ENPP6: variants seen among roughly 807,000 people sequenced by gnomAD.
The protein encoded by ENPP6 is ectonucleotide pyrophosphatase/phosphodiesterase 6.
ENPP6 carries 32 observed loss-of-function variants against 42.0 expected under a neutral mutation model. That is an observed-to-expected ratio of 0.76 (90% CI 0.58 to 1.02). The LOEUF (loss-of-function observed/expected upper bound fraction) is 1.02. Among genes scored for constraint, ENPP6 ranks in the 50% least tolerant of loss-of-function variants. ENPP6 has a pLI of 0.00. For synonymous variants in ENPP6, 213 were observed against 216.0 expected (o/e 0.99, Z 0.12); for missense variants, 552 against 566.8 (o/e 0.97, Z 0.27).
intron 1 of ENPP6, among the ~76,000 whole-genome samples, chr4:184,182,588 C>T (rs1020001437): frequency 1.3e-5 from 2 of 152,052 alleles, no homozygotes; most frequent in Admixed American, 6.5e-5. Context: ...TTCACAATAG[C>T]AAAGACAGAG....
intron 2 of ENPP6, among the ~76,000 whole-genome samples, chr4:184,141,129 C>T (rs113487786): frequency 0.01 from 1,551 of 152,284 alleles, 22 homozygotes; most frequent in South Asian, 0.04. Flanking sequence ...GGTGAATTTG[C>T]GTGGGAGCTT....
intron 5 of ENPP6, among the ~76,000 whole-genome samples, chr4:184,116,281 T>C (rs1006832862): frequency 6.6e-6 from 1 of 152,164 alleles, no homozygotes; most frequent in Non-Finnish European, 1.5e-5. Flanking sequence ...CTTGATCTCA[T>C]TTAATTCTCA....
At position 184,116,917 on chromosome 4, in the gene ENPP6, T is replaced by C; in HGVS notation, c.794A>G (p.Gln265Arg). The C allele has an allele frequency of 6.2e-7, 1 of 1,614,224 alleles. No homozygotes were observed. The highest frequency in any genetic ancestry group is 1.3e-5 in the African/African-American group (1 of 75,066). The stretch of plus-strand genomic sequence containing the variant: ...AACAGGCCCGCGGTCCTTCACTTGC[T>C]GCAGGTCATTCAGGCTGATGTACTT... ...LNKYISLNDL[Q>R]QVKDRGPVVS... Residue 265 changes from glutamine (Q) to arginine (R), a missense_variant, in exon 5 of 8, where the codon CAG becomes CGG. Gln to Arg is a conservative substitution (Grantham distance 43). Transcript: ENST00000296741.
At chr4:184,096,666 C>T (rs1247438881) in intron 7 of ENPP6, among the ~76,000 whole-genome samples, 1 of 152,140 alleles carries the variant, frequency 6.6e-6, no homozygotes, top group Non-Finnish European at 1.5e-5. Flanking sequence ...TTAATCTGGT[C>T]AAGAAAGACA....
intron 2 of ENPP6, among the ~76,000 whole-genome samples, chr4:184,147,060 T>C (rs1355449536): frequency 1.3e-5 from 2 of 152,108 alleles, no homozygotes; most frequent in Non-Finnish European, 2.9e-5. Context: ...CGGCTCGACG[T>C]CCCAGAGCCA....
At chr4:184,165,893 C>T (rs760035083) in intron 1 of ENPP6, among the ~76,000 whole-genome samples, 1 of 152,192 alleles carries the variant, frequency 6.6e-6, no homozygotes, top group Non-Finnish European at 1.5e-5. Context: ...GTCAGATATT[C>T]CCACTAGTAG....
At chr4:184,153,994 G>A (rs1737110555) in intron 1 of ENPP6, among the ~76,000 whole-genome samples, 2 of 152,102 alleles carry the variant, frequency 1.3e-5, no homozygotes, top group Non-Finnish European at 2.9e-5. Flanking sequence ...GCTGTTTTAA[G>A]TTACACTGAG....
chr4:184,201,664 CA>C (rs1732905945), intron 1 of ENPP6, among the ~76,000 whole-genome samples: 1 of 152,116 alleles, frequency 6.6e-6, no homozygotes, highest in Non-Finnish European at 1.5e-5. Context: ...CACTTCAGTG[CA>C]GAGAGGTCTG....
chr4:184,162,502 TGAAAGAAG>T (rs2111085074), intron 1 of ENPP6, among the ~76,000 whole-genome samples: 1 of 144,864 alleles, frequency 6.9e-6, no homozygotes, highest in South Asian at 2.2e-4. Context: ...TTTCTACTTT[TGAAAGAAG>T]GAAAGAAGGA....
At chr4:184,147,934 G>C (rs1380764776) in intron 2 of ENPP6, among the ~76,000 whole-genome samples, 1 of 152,020 alleles carries the variant, frequency 6.6e-6, no homozygotes, top group African/African-American at 2.4e-5. Context: ...ACCCCATCCA[G>C]GGCCTTAGCA....
chr4:184,182,421 AT>A (rs1400307427), intron 1 of ENPP6, among the ~76,000 whole-genome samples: 2 of 152,210 alleles, frequency 1.3e-5, no homozygotes, highest in Non-Finnish European at 2.9e-5. Context: ...GGTAGTGTAA[AT>A]TAGTTCAACC....
At chr4:184,132,056 C>T (rs1736646399) in intron 2 of ENPP6, among the ~76,000 whole-genome samples, 1 of 152,150 alleles carries the variant, frequency 6.6e-6, no homozygotes, top group Admixed American at 6.5e-5. Flanking sequence ...GACCCCTTCC[C>T]TCCTAAGCCT....
At chr4:184,124,030 A>G (rs1280257343) in intron 3 of ENPP6, 131 bp downstream of exon 3, 2 of 612,732 alleles carry the variant, frequency 3.3e-6, no homozygotes, top group Non-Finnish European at 5.5e-6. Flanking sequence ...GTTAACAATC[A>G]CTATGCAAGA....
chr4:184,117,686 G>A (rs1323286865), intron 4 of ENPP6, 73 bp downstream of exon 4: 1 of 1,584,328 alleles, frequency 6.3e-7, no homozygotes, highest in Non-Finnish European at 8.6e-7. Flanking sequence ...GATGTTGACA[G>A]GAGTGACTGT....
rs1250978073 is a variant in ENPP6, at chr4:184,209,072, A to G, written c.241+8507T>C. Among the ~76,000 whole-genome samples the G allele has an allele frequency of 4.0e-3, 588 of 147,554 alleles. 7 individuals carry two copies. The highest frequency in any genetic ancestry group is 6.0e-3 in the Admixed American group (88 of 14,630). On this transcript the variant is annotated intron_variant, in intron 1 of 7. Coordinates refer to ENST00000296741, the MANE Select transcript of ENPP6 (RefSeq NM_153343.4). Reference sequence around the variant, plus strand: ...AACAAACAGAAAGGACATCCACACCAAAAACCCATCTGTACATCACCGTCA... The same window carrying G: ...AACAAACAGAAAGGACATCCACACCGAAAACCCATCTGTACATCACCGTCA...
chr4:184,186,789 C>T (rs536154957), intron 1 of ENPP6, among the ~76,000 whole-genome samples: 6 of 152,306 alleles, frequency 3.9e-5, no homozygotes, highest in Non-Finnish European at 8.8e-5. Flanking sequence ...CTGAAGTCTC[C>T]TACAGGCCTC....
rs1393768600 is a variant in ENPP6 at position 184,217,567 on chromosome 4, C to A, written c.241+12G>T. The A allele has an allele frequency of 6.2e-7, 1 of 1,613,994 alleles. No homozygotes were observed. The highest frequency in any genetic ancestry group is 1.3e-5 in the African/African-American group (1 of 74,922). ...CCTCCCCTCCCTGCCCAGAAGAGGACATGGTACTCACCAGTCATTAGGGTA... is the reference window on the plus strand; with the variant it reads ...CCTCCCCTCCCTGCCCAGAAGAGGAAATGGTACTCACCAGTCATTAGGGTA... On this transcript the variant is annotated intron_variant, in intron 1 of 7. Transcript: ENST00000296741.
At chr4:184,108,716 A>G (rs551366595) in intron 6 of ENPP6, among the ~76,000 whole-genome samples, 1 of 135,700 alleles carries the variant, frequency 7.4e-6, no homozygotes, top group Admixed American at 8.1e-5. Flanking sequence ...TTAGTCTAGG[A>G]AACTGCAGAG....
intron 6 of ENPP6, among the ~76,000 whole-genome samples, chr4:184,108,280 G>C (rs1234025252): frequency 3.3e-5 from 5 of 152,206 alleles, no homozygotes; most frequent in African/African-American, 1.2e-4. Flanking sequence ...CTGCTTTCGG[G>C]CCGAGAGTCT....
Sources: allele counts gnomAD v4.1 joint callset (sites outside exome capture counted in the v4.1 genomes callset), GRCh38; gene constraint gnomAD v4.1.1; transcripts MANE v1.5; gene names NCBI Gene and HGNC (gene_info 2026-07-23, HGNC 2026-07-21).